The following VPS13C variants were observed in gnomAD, a reference collection of about 807,000 sequenced individuals.
VPS13C encodes vacuolar protein sorting 13 homolog C.
VPS13C carries 358 observed loss-of-function variants against 456.8 expected under a neutral mutation model. The ratio of observed to expected loss-of-function variants is 0.78; its 90% CI spans 0.72 to 0.86. The LOEUF (loss-of-function observed/expected upper bound fraction) is 0.86. Among genes scored for constraint, VPS13C ranks in the 40% least tolerant of loss-of-function variants. The pLI, the probability that VPS13C is intolerant of heterozygous loss-of-function variation, is 0.00. For missense variants in VPS13C, 4,818 were observed against 4,385.4 expected, an observed-to-expected ratio of 1.10 and a Z score of -2.79; for synonymous variants, 1,578 against 1,486.7, an observed-to-expected ratio of 1.06 and a Z score of -1.41.
intron 51 of VPS13C, among the ~76,000 whole-genome samples, chr15:61,927,612 C>A (rs1196567729): frequency 6.6e-6 from 1 of 152,168 alleles, no homozygotes; most frequent in African/African-American, 2.4e-5. Context: ...TAAATTAGTT[C>A]AACCACTGTG....
At chr15:61,958,759 A>G in intron 36 of VPS13C, 43 bp from the exon 37 acceptor site, 1 of 1,053,564 alleles carries the variant, frequency 9.5e-7, no homozygotes, top group South Asian at 1.7e-5. Flanking sequence ...TTACGTTTTA[A>G]AATGAAACAA....
chr15:62,023,878 A>G (rs1216896824), intron 6 of VPS13C, 33 bp from the exon 7 acceptor site: 5 of 1,588,890 alleles, frequency 3.1e-6, no homozygotes, highest in East Asian at 2.2e-5. Context: ...TGAGAAAAGG[A>G]TAAGATTCAA....
chr15:61,972,772 A>G lies in VPS13C; in HGVS notation c.2618-8T>C. On this transcript the variant is annotated splice_polypyrimidine_tract_variant and splice_region_variant and intron_variant, in intron 26 of 84. Coordinates refer to ENST00000644861, the MANE Select transcript of VPS13C (RefSeq NM_020821.3). The stretch of plus-strand genomic sequence containing the variant: ...AATACTCATCATCAGACTCTAAAGG[A>G]AAAAGACATTTATTTGATCTGAGAC... 6 of 1,603,166 alleles carry G rather than the reference A, an allele frequency of 3.7e-6. No individual in the cohort carries two copies. Among genetic ancestry groups the G allele is most frequent in the Non-Finnish European group, 5.1e-6 (6 of 1,174,864 alleles).
chr15:61,901,667 C>T (rs920971410), intron 66 of VPS13C, among the ~76,000 whole-genome samples: 136 of 152,026 alleles, frequency 8.9e-4, no homozygotes, highest in African/African-American at 3.0e-3. Flanking sequence ...GTTGGTGGGA[C>T]TGTAAACTAG....
chr15:61,864,598 T>G, intron 81 of VPS13C: 1 of 978,270 alleles, frequency 1.0e-6, no homozygotes. Context: ...CATTTGATAT[T>G]ATTTCAATGC....
chr15:61,874,184 G>A (rs1230132551), intron 77 of VPS13C, among the ~76,000 whole-genome samples: 2 of 152,014 alleles, frequency 1.3e-5, no homozygotes, highest in African/African-American at 2.4e-5. Flanking sequence ...GAGATGGGTA[G>A]GGGGAGGAGA....
chr15:61,998,929 T>A (rs1369045066), intron 16 of VPS13C, among the ~76,000 whole-genome samples: 1 of 152,222 alleles, frequency 6.6e-6, no homozygotes, highest in Non-Finnish European at 1.5e-5. Context: ...TTTCTTATAA[T>A]TTTCTTAATA....
At chr15:62,002,512 G>A (rs530784831) in intron 15 of VPS13C, among the ~76,000 whole-genome samples, 8 of 152,180 alleles carry the variant, frequency 5.3e-5, no homozygotes, top group Admixed American at 1.3e-4. Flanking sequence ...GTGCAGAAGC[G>A]CTTTAGTTTA....
rs368946798 is a variant in VPS13C at position 61,882,734 on chromosome 15, G to A, written c.9486C>T (p.Val3162=). 6.3e-6 allele frequency: 10 copies of A among 1,583,928 alleles called. No individual in the cohort carries two copies. Among genetic ancestry groups the A allele is most frequent in the Non-Finnish European group, 8.6e-6 (10 of 1,168,322 alleles). Residue 3162 remains valine (V), a splice_region_variant and synonymous_variant, in exon 69 of 85, where the codon GTC becomes GTT. Transcript: ENST00000644861. ...TTTCCATTGGATCTTTATCAAAATT[G>A]ACCTAGAAAAAAAGCACATGTTTTT... The part of the protein sequence containing the change: ...GWIKLDNNFE[V]NFDKDPMEMR...
At chr15:62,053,508 T>G (rs1438536694) in intron 1 of VPS13C, among the ~76,000 whole-genome samples, 1 of 152,228 alleles carries the variant, frequency 6.6e-6, no homozygotes, top group African/African-American at 2.4e-5. Flanking sequence ...ATACATTATT[T>G]AACTACCTTT....
intron 27 of VPS13C, among the ~76,000 whole-genome samples, chr15:61,972,161 C>A (rs2045573935): frequency 6.6e-6 from 1 of 152,092 alleles, no homozygotes; most frequent in Non-Finnish European, 1.5e-5. Context: ...TAATGACATA[C>A]CGTGAACATC....
chr15:61,896,657 C>T (rs939763102), intron 66 of VPS13C, among the ~76,000 whole-genome samples: 9 of 152,172 alleles, frequency 5.9e-5, no homozygotes, highest in Non-Finnish European at 1.0e-4. Flanking sequence ...AACTGCAAGG[C>T]GGCAGCGAGG....
intron 9 of VPS13C, among the ~76,000 whole-genome samples, chr15:62,014,883 T>A (rs936647231): frequency 2.0e-5 from 3 of 151,994 alleles, no homozygotes; most frequent in Non-Finnish European, 4.4e-5. Flanking sequence ...TGAAAAAGAA[T>A]GAGAAAGAAA....
In VPS13C at chr15:61,884,283, AC is replaced by A; in HGVS notation, c.9342-15del. 6.2e-7 allele frequency: 1 copy of A among 1,606,062 alleles called. No individual in the cohort carries two copies. The highest frequency in any genetic ancestry group is 8.5e-7 in the Non-Finnish European group (1 of 1,177,954). On this transcript the variant is annotated splice_polypyrimidine_tract_variant and intron_variant, in intron 67 of 84. Transcript: ENST00000644861. ...ACAACACCAGAACTAAATAATTCAC[AC>A]AAAAAAATTAAATTAGCAATATGTA...
intron 82 of VPS13C, among the ~76,000 whole-genome samples, chr15:61,857,119 C>G (rs187978249): frequency 9.9e-4 from 150 of 152,076 alleles, no homozygotes; most frequent in African/African-American, 3.0e-3. Context: ...TTACAGAAAG[C>G]AAAATTACAA....
At chr15:61,949,705 G>C in intron 41 of VPS13C, 100 bp from the exon 42 acceptor site, 1 of 1,160,680 alleles carries the variant, frequency 8.6e-7, no homozygotes, top group Non-Finnish European at 1.2e-6. Context: ...TTCAATTAAG[G>C]GCCTTTTTAA....
chr15:61,968,665 A>G (rs1361774280), intron 28 of VPS13C, among the ~76,000 whole-genome samples: 1 of 152,096 alleles, frequency 6.6e-6, no homozygotes, highest in Non-Finnish European at 1.5e-5. Flanking sequence ...CTAACTTTAC[A>G]TCCTATCATT....
chr15:61,984,137 G>A (rs1057180568), intron 19 of VPS13C, 125 bp from the exon 20 acceptor site: 4 of 818,348 alleles, frequency 4.9e-6, no homozygotes, highest in Non-Finnish European at 7.4e-6. Flanking sequence ...ATTATCCAGA[G>A]CTGAAGCTCA....
chr15:61,988,760 G>T (rs1203933915), intron 18 of VPS13C, among the ~76,000 whole-genome samples: 7 of 152,152 alleles, frequency 4.6e-5, no homozygotes, highest in African/African-American at 1.7e-4. Context: ...AATAAAGCAG[G>T]AATTCCACAA....
Sources: gnomAD v4.1 joint callset for allele counts (sites outside exome capture counted in the v4.1 genomes callset) on GRCh38, gnomAD v4.1.1 for gene constraint, MANE v1.5 for transcripts, NCBI Gene and HGNC (gene_info 2026-07-23, HGNC 2026-07-21) for gene names.